FAM227B: variants seen among roughly 807,000 people sequenced by gnomAD.
FAM227B encodes the protein family with sequence similarity 227 member B, also known as protein FAM227B.
Under a neutral mutation model 73.8 loss-of-function variants are expected in FAM227B, and 88 were observed. The ratio of observed to expected loss-of-function variants is 1.19; its 90% confidence interval spans 1.00 to 1.42. FAM227B has a LOEUF of 1.42. Among genes scored for constraint, FAM227B ranks in the 40% most tolerant of loss-of-function variants. The probability of loss-of-function intolerance (pLI) is 0.00; values close to 1 mark genes in which losing one functional copy is unlikely to be tolerated. For synonymous variants in FAM227B, 210 were observed against 190.5 expected (o/e 1.10, Z -0.84); for missense variants, 632 against 590.9 (o/e 1.07, Z -0.72).
chr15:49,411,142 T>C (rs551033272), intron 11 of FAM227B, among the ~76,000 whole-genome samples: 2 of 151,872 alleles, frequency 1.3e-5, no homozygotes, highest in Non-Finnish European at 2.9e-5. Flanking sequence ...AGTTGCAGAA[T>C]TGAAAATAGA....
At position 49,381,657 on chromosome 15, in the gene FAM227B, C is replaced by T. The variant is rs367799232; in HGVS notation, c.1013-10258G>A. ...CCATCACAACTGTTATTTAACACTGCTCTGTAAATCCTAACCAATGCAGTA... is the reference window on the plus strand; with the variant it reads ...CCATCACAACTGTTATTTAACACTGTTCTGTAAATCCTAACCAATGCAGTA... On this transcript the variant is annotated intron_variant, in intron 11 of 15. Coordinates refer to ENST00000299338, the MANE Select transcript of FAM227B (RefSeq NM_152647.3). 1.4e-4 allele frequency among the ~76,000 whole-genome samples: 22 copies of T among 152,240 alleles called. No individual in the cohort carries two copies. The South Asian group carries it at 1.7e-3, about 11-fold the overall frequency.
chr15:49,465,546 T>C (rs987794435), intron 11 of FAM227B, among the ~76,000 whole-genome samples: 3 of 152,050 alleles, frequency 2.0e-5, no homozygotes, highest in Admixed American at 6.6e-5. Context: ...GAGTGTTGCA[T>C]GTTGAAAATA....
At chr15:49,550,257 G>A (rs1329955884) in intron 9 of FAM227B, among the ~76,000 whole-genome samples, 1 of 136,508 alleles carries the variant, frequency 7.3e-6, no homozygotes, top group African/African-American at 2.8e-5. Flanking sequence ...GGGCAGAGGG[G>A]CTCCTCACTT....
chr15:49,427,633 C>T (rs144808018), intron 11 of FAM227B, among the ~76,000 whole-genome samples: 5 of 152,112 alleles, frequency 3.3e-5, no homozygotes, highest in Admixed American at 2.6e-4. Context: ...AATCTTTTCT[C>T]ATGACTTTTT....
chr15:49,536,120 G>T (rs2070230048), intron 10 of FAM227B, among the ~76,000 whole-genome samples: 1 of 148,828 alleles, frequency 6.7e-6, no homozygotes, highest in Admixed American at 6.7e-5. Flanking sequence ...TTGAAAATGG[G>T]AAAGGAAATA....
At chr15:49,407,310 C>T (rs1170206026) in intron 11 of FAM227B, among the ~76,000 whole-genome samples, 1 of 152,146 alleles carries the variant, frequency 6.6e-6, no homozygotes, top group African/African-American at 2.4e-5. Context: ...GTTCAACTGG[C>T]CCATTCTCCT....
chr15:49,579,065 C>A (rs1032706603), intron 5 of FAM227B, among the ~76,000 whole-genome samples: 1 of 152,126 alleles, frequency 6.6e-6, no homozygotes, highest in Non-Finnish European at 1.5e-5. Context: ...AAACGTTCAA[C>A]ATCACAAATC....
At chr15:49,476,823 G>A (rs1205430016) in intron 11 of FAM227B, among the ~76,000 whole-genome samples, 2 of 152,268 alleles carry the variant, frequency 1.3e-5, no homozygotes, top group African/African-American at 4.8e-5. Context: ...ACTTTGGGAG[G>A]CTGAGGTGGG....
chr15:49,458,728 G>C (rs576804874), intron 11 of FAM227B, among the ~76,000 whole-genome samples: 11 of 152,152 alleles, frequency 7.2e-5, no homozygotes, highest in Admixed American at 1.3e-4. Context: ...AATAGGATTA[G>C]TTACAGTTGT....
intron 11 of FAM227B, among the ~76,000 whole-genome samples, chr15:49,459,890 T>G (rs1021173883): frequency 3.9e-5 from 6 of 152,158 alleles, no homozygotes; most frequent in Admixed American, 6.5e-5. Context: ...GTGGAGGTAT[T>G]TACACAATGT....
intron 11 of FAM227B, among the ~76,000 whole-genome samples, chr15:49,388,645 T>C (rs995088570): frequency 1.3e-5 from 2 of 151,670 alleles, no homozygotes; most frequent in Admixed American, 1.3e-4. Flanking sequence ...GAGACCTAAT[T>C]AAACTAAAAA....
chr15:49,605,528 G>C (rs2077460294), intron 3 of FAM227B, among the ~76,000 whole-genome samples: 1 of 152,196 alleles, frequency 6.6e-6, no homozygotes. Context: ...CCTGGTGCTG[G>C]GGTGGGCCTC....
In FAM227B at chr15:49,535,115, G is replaced by C. The variant is rs147830952; in HGVS notation, c.874+6565C>G. On this transcript the variant is annotated intron_variant, in intron 10 of 15. Transcript: ENST00000299338. Reference sequence around the variant, plus strand: ...ACAGAAACAAAGCAAATAGAAAATAGAAAAATCATTTAAAAATCAATAAAA... The same window carrying C: ...ACAGAAACAAAGCAAATAGAAAATACAAAAATCATTTAAAAATCAATAAAA... Among the ~76,000 whole-genome samples, 283 of 151,510 alleles carry C rather than the reference G, an allele frequency of 1.9e-3. 1 individual carries two copies. Among genetic ancestry groups the C allele is most frequent in the Middle Eastern group, 0.01 (3 of 294 alleles).
At chr15:49,443,645 A>G (rs2051890963) in intron 11 of FAM227B, among the ~76,000 whole-genome samples, 1 of 151,766 alleles carries the variant, frequency 6.6e-6, no homozygotes, top group South Asian at 2.1e-4. Context: ...CACTCATATC[A>G]TTGAGAAGTG....
chr15:49,505,965 T>C (rs768408391), intron 11 of FAM227B, among the ~76,000 whole-genome samples: 5 of 151,802 alleles, frequency 3.3e-5, no homozygotes, highest in Admixed American at 6.6e-5. Context: ...ACCATAAGCA[T>C]AGGAAAACTG....
chr15:49,365,563 G>T, intron 13 of FAM227B: 1 of 887,740 alleles, frequency 1.1e-6, no homozygotes, highest in Non-Finnish European at 1.9e-6. Context: ...AAAAGGTCCA[G>T]CTGCAAGTTT....
intron 11 of FAM227B, among the ~76,000 whole-genome samples, chr15:49,426,913 A>T (rs2050179701): frequency 6.6e-6 from 1 of 152,038 alleles, no homozygotes; most frequent in Admixed American, 6.6e-5. Flanking sequence ...GAATCCTTTA[A>T]GTAAACCCTA....
chr15:49,524,297 A>C (rs28864186), intron 10 of FAM227B, among the ~76,000 whole-genome samples: 1 of 151,354 alleles, frequency 6.6e-6, no homozygotes, highest in Admixed American at 6.6e-5. Context: ...TGTTCCAGCC[A>C]CTCCAGTCAT....
chr15:49,550,130 C>T (rs1380558243), intron 9 of FAM227B, among the ~76,000 whole-genome samples: 5 of 145,948 alleles, frequency 3.4e-5, no homozygotes, highest in African/African-American at 1.3e-4. Context: ...CACCTCCCTC[C>T]CGGACGGGGC....
Sources: gnomAD v4.1 joint callset for allele counts (sites outside exome capture counted in the v4.1 genomes callset) on GRCh38, gnomAD v4.1.1 for gene constraint, MANE v1.5 for transcripts, NCBI Gene and HGNC (gene_info 2026-07-23, HGNC 2026-07-21) for gene names.